The following RYR3 variants were observed in gnomAD, a reference collection of about 807,000 sequenced individuals.
RYR3 encodes the protein brain ryanodine receptor-calcium release channel.
A neutral mutation model predicts 584.3 loss-of-function variants in RYR3; 207 were observed. That is an observed-to-expected ratio of 0.35 (90% CI 0.32 to 0.40). RYR3 has a LOEUF of 0.40. Ranked by LOEUF, RYR3 falls within the 10% of genes least tolerant of loss-of-function variation. RYR3 has a pLI of 1.00. For missense variants in RYR3, 5,616 were observed against 6,089.2 expected (o/e 0.92, Z 2.59); for synonymous variants, 2,416 against 2,248.5 (o/e 1.07, Z -2.11).
chr15:33,525,596 T>A (rs1392657400), intron 3 of RYR3, among the ~76,000 whole-genome samples: 1 of 152,218 alleles, frequency 6.6e-6, no homozygotes, highest in African/African-American at 2.4e-5. Flanking sequence ...GTTTTGTAGT[T>A]TGATTTTAAA....
chr15:33,430,155 C>G (rs1049634602), intron 1 of RYR3, among the ~76,000 whole-genome samples: 5 of 152,208 alleles, frequency 3.3e-5, no homozygotes, highest in African/African-American at 1.2e-4. Context: ...GTCCACTCAC[C>G]CAGTGCAGCA....
At chr15:33,580,244 TGA>T (rs1427563135) in intron 13 of RYR3, 100 bp downstream of exon 13, 1 of 968,980 alleles carries the variant, frequency 1.0e-6, no homozygotes, top group Non-Finnish European at 1.5e-6. Flanking sequence ...CACGTGTTTA[TGA>T]GAGAGCCAGA....
intron 1 of RYR3, among the ~76,000 whole-genome samples, chr15:33,347,013 G>A (rs949059494): frequency 6.6e-6 from 1 of 152,114 alleles, no homozygotes; most frequent in African/African-American, 2.4e-5. Flanking sequence ...GATTAGGCTG[G>A]GAGTATGTGT....
chr15:33,825,128 G>A (rs1023836979), intron 81 of RYR3, among the ~76,000 whole-genome samples: 1 of 152,224 alleles, frequency 6.6e-6, no homozygotes, highest in Admixed American at 6.5e-5. Flanking sequence ...AAATCTGGAA[G>A]TTTGTAGCTC....
At chr15:33,780,385 G>A (rs774692886) in intron 65 of RYR3, 44 bp downstream of exon 65, 3 of 1,598,480 alleles carry the variant, frequency 1.9e-6, no homozygotes, top group South Asian at 2.3e-5. Flanking sequence ...TTCATGTGCT[G>A]AGAGGAGAGG....
chr15:33,591,367 C>T lies in RYR3; in HGVS notation c.1788+5251C>T, dbSNP rs8037408. On this transcript the variant is annotated intron_variant, in intron 16 of 103. Transcript: ENST00000634891. ...ATTTCTCTTACATCTGTAAGTTCCT[C>T]TGTGGTAGGGACTGTCTTTGTAATC... is the stretch of plus-strand genomic sequence containing the variant. Among the ~76,000 whole-genome samples the T allele has an allele frequency of 7.4e-3, 1,126 of 152,260 alleles. 15 individuals are homozygous for T. The highest frequency in any genetic ancestry group is 0.025 in the African/African-American group (1,058 of 41,548).
chr15:33,378,964 CAA>C (rs113441340), intron 1 of RYR3, among the ~76,000 whole-genome samples: 1 of 140,506 alleles, frequency 7.1e-6, no homozygotes, highest in Non-Finnish European at 1.6e-5. Context: ...GACCTCATCT[CAA>C]AAAAAAAAAA....
Position 33,854,906 on chromosome 15 carries a change from C to G in RYR3, c.14001C>G (p.Gly4667=). The G allele has an allele frequency of 3.1e-6, 5 of 1,609,538 alleles. No homozygotes were observed. The highest frequency in any genetic ancestry group is 3.4e-6 in the Non-Finnish European group (4 of 1,178,264). Residue 4667 remains glycine (G), a synonymous_variant, in exon 98 of 104, where the codon GGC becomes GGG. Transcript: ENST00000634891. ...RTILSSVTHN[G]KQLVLTVGLL... ...TTCTGTCATCTGTAACTCACAATGGCAAACAGGTATGGTTTCTACTGATGC... is the reference window on the plus strand; with the variant it reads ...TTCTGTCATCTGTAACTCACAATGGGAAACAGGTATGGTTTCTACTGATGC...
At chr15:33,410,709 C>G (rs1187021238) in intron 1 of RYR3, among the ~76,000 whole-genome samples, 5 of 152,330 alleles carry the variant, frequency 3.3e-5, no homozygotes, top group African/African-American at 1.2e-4. Flanking sequence ...GGGCCCCGCA[C>G]AGCATGGCAG....
At chr15:33,314,624 A>G (rs751940837) in intron 1 of RYR3, among the ~76,000 whole-genome samples, 14 of 152,346 alleles carry the variant, frequency 9.2e-5, no homozygotes, top group East Asian at 1.9e-4. Flanking sequence ...TAATTGAAAC[A>G]GAACTCAGAG....
chr15:33,810,046 C>T (rs116081520), intron 70 of RYR3, among the ~76,000 whole-genome samples: 2,831 of 152,228 alleles, frequency 0.019, 83 homozygotes, highest in African/African-American at 0.065. Flanking sequence ...TCCAAAACAC[C>T]AGCTTCAGCT....
intron 7 of RYR3, among the ~76,000 whole-genome samples, chr15:33,541,515 A>G (rs1245142427): frequency 2.6e-5 from 4 of 152,194 alleles, no homozygotes; most frequent in Admixed American, 2.6e-4. Flanking sequence ...TACCTCACTC[A>G]TAGGTAATAC....
chr15:33,441,347 G>A (rs2046215892), intron 1 of RYR3, among the ~76,000 whole-genome samples: 1 of 151,750 alleles, frequency 6.6e-6, no homozygotes, highest in Non-Finnish European at 1.5e-5. Context: ...TTCTATAATG[G>A]GTGCTTTTTA....
At chr15:33,727,132 C>T (rs1316890573) in intron 46 of RYR3, among the ~76,000 whole-genome samples, 3 of 152,214 alleles carry the variant, frequency 2.0e-5, no homozygotes, top group Non-Finnish European at 4.4e-5. Context: ...GGGGCACAGA[C>T]GGGCCCCCAC....
chr15:33,559,112 T>TGC (rs2057265125), intron 10 of RYR3, among the ~76,000 whole-genome samples: 1 of 152,156 alleles, frequency 6.6e-6, no homozygotes, highest in South Asian at 2.1e-4. Flanking sequence ...GTTGGCTTTA[T>TGC]GCGCTTTGAG....
At chr15:33,375,468 C>T (rs4304993) in intron 1 of RYR3, among the ~76,000 whole-genome samples, 45,626 of 151,830 alleles carry the variant, frequency 0.3, 6,893 homozygotes, top group East Asian at 0.39. Flanking sequence ...AAAAGAAGGG[C>T]AATCCAGATA....
chr15:33,802,208 A>G, intron 69 of RYR3: 1 of 600,018 alleles, frequency 1.7e-6, no homozygotes, highest in Non-Finnish European at 3.1e-6. Flanking sequence ...AGACTTGCCT[A>G]AGGCATTTGA....
At chr15:33,318,443 C>T (rs2670941) in intron 1 of RYR3, among the ~76,000 whole-genome samples, 75,975 of 152,036 alleles carry the variant, frequency 0.5, 20,082 homozygotes, top group Middle Eastern at 0.64. Flanking sequence ...GCAGGTACCA[C>T]TGATGATTAA....
chr15:33,743,296 C>T (rs576264354), intron 52 of RYR3, among the ~76,000 whole-genome samples: 3 of 152,144 alleles, frequency 2.0e-5, no homozygotes, highest in South Asian at 2.1e-4. Flanking sequence ...AACTGTAGAA[C>T]GGGCTAATAC....
Sources: allele counts gnomAD v4.1 joint callset (sites outside exome capture counted in the v4.1 genomes callset), GRCh38; gene constraint gnomAD v4.1.1; transcripts MANE v1.5; gene names NCBI Gene and HGNC (gene_info 2026-07-23, HGNC 2026-07-21).